Variants in NOTO observed in about 807,000 individuals in gnomAD.
The protein encoded by NOTO is notochord homeobox, also known as homeobox protein notochord.
A neutral mutation model predicts 20.5 loss-of-function variants in NOTO; 19 were observed. That is an observed-to-expected ratio of 0.93 (90% confidence interval 0.65 to 1.36). The LOEUF (loss-of-function observed/expected upper bound fraction) is 1.36, where lower values mean the gene tolerates loss of function less well. Ranked by LOEUF, NOTO falls within the 40% of genes most tolerant of loss-of-function variation. The pLI, the probability that NOTO is intolerant of heterozygous loss-of-function variation, is 0.00. For missense variants in NOTO, 369 were observed against 336.2 expected (o/e 1.10, Z -0.76); for synonymous variants, 150 against 150.2 (o/e 1.00, Z 0.01).
intron 1 of NOTO, 67 bp downstream of exon 1, chr2:73,203,115 C>T (rs1686030571): frequency 3.8e-6 from 5 of 1,319,262 alleles, no homozygotes; most frequent in Non-Finnish European, 3.9e-6. Flanking sequence ...GTCGCCACTG[C>T]CGGCGCCCCA....
chr2:73,203,315 C>A (rs1327198782), intron 1 of NOTO, among the ~76,000 whole-genome samples: 5 of 152,186 alleles, frequency 3.3e-5, no homozygotes, highest in Non-Finnish European at 7.4e-5. Context: ...CGCCTGAATG[C>A]GGTGGGCAGG....
At chr2:73,206,521 T>C (rs1686090780) in intron 1 of NOTO, among the ~76,000 whole-genome samples, 1 of 152,116 alleles carries the variant, frequency 6.6e-6, no homozygotes, top group African/African-American at 2.4e-5. Flanking sequence ...GTATTTTTTG[T>C]AGAGATAGGG....
Position 73,211,916 on chromosome 2 carries a change from T to A in NOTO, c.*987T>A, listed in dbSNP as rs1044599957. ...AGATGAAGACCAAATATATATTTCA[T>A]AATATCACAGCTCCCCTCACCTGGG... On this transcript the variant is annotated 3_prime_UTR_variant, in exon 3 of 3. Coordinates refer to ENST00000398468, the MANE Select transcript of NOTO (RefSeq NM_001134462.2). 1 of 152,196 alleles carries A rather than the reference T, an allele frequency of 6.6e-6. No individual in the cohort carries two copies. The highest frequency in any genetic ancestry group is 6.5e-5 in the Admixed American group (1 of 15,272). 9.4% of individuals were successfully genotyped at this position (152,196 alleles called of 1,614,324 possible).
chr2:73,203,104 G>C, intron 1 of NOTO, 56 bp downstream of exon 1: 1 of 1,351,110 alleles, frequency 7.4e-7, no homozygotes, highest in Non-Finnish European at 9.5e-7. Flanking sequence ...GGAGAGCCTA[G>C]GTCGCCACTG....
rs1686196148 is a variant in NOTO, at chr2:73,212,327, G to A, written c.*1398G>A. The stretch of plus-strand genomic sequence containing the variant: ...GCCTGGCTAATTTTTAACATTTTTT[G>A]TAGAGACAACGTCCACTTGTTGCCC... On this transcript the variant is annotated 3_prime_UTR_variant, in exon 3 of 3. Coordinates refer to ENST00000398468, the MANE Select transcript of NOTO (RefSeq NM_001134462.2). The A allele has an allele frequency of 6.6e-6, 1 of 152,142 alleles. No homozygotes were observed. The highest frequency in any genetic ancestry group is 2.1e-4 in the South Asian group (1 of 4,824). 9.4% of individuals were successfully genotyped at this position (152,142 alleles called of 1,614,324 possible). A position where few individuals can be genotyped will look rare whatever the true frequency, so the allele number is the denominator to read the frequency against.
At position 73,202,752 on chromosome 2, in the gene NOTO, C is replaced by T. The variant is rs111611158; in HGVS notation, c.86C>T (p.Ala29Val). Reference protein sequence around the residue: ...VRPPRSGRSPAPRSPTGPNTP... With the variant: ...VRPPRSGRSPVPRSPTGPNTP... ...CCTCCGCGCTCTGGCCGCTCTCCGG[C>T]GCCCAGGTCCCCTACTGGCCCGAAC... The change falls in exon 1 of 3, where the codon GCG becomes GTG. Residue 29 changes from alanine (A) to valine (V), a missense_variant. Coordinates refer to ENST00000398468, the MANE Select transcript of NOTO (RefSeq NM_001134462.2). 3.0e-5 allele frequency: 45 copies of T among 1,520,106 alleles called. 2 individuals are homozygous for T. The African/African-American group carries it at 4.4e-4, about 15-fold the overall frequency. 94.2% of individuals were successfully genotyped at this position (1,520,106 alleles called of 1,614,324 possible). A position where few individuals can be genotyped will look rare whatever the true frequency, so the allele number is the denominator to read the frequency against.
chr2:73,203,062 G>C lies in NOTO; in HGVS notation c.382+14G>C. ...TCGGCGTCACAGGTACTGCGGTCCC[G>C]GCGCCCGCACGCGGGGGACTGGGCG... On this transcript the variant is annotated intron_variant, in intron 1 of 2. Coordinates refer to ENST00000398468, the MANE Select transcript of NOTO (RefSeq NM_001134462.2). The C allele has an allele frequency of 1.2e-5, 17 of 1,373,230 alleles. No homozygotes were observed. Among genetic ancestry groups the C allele is most frequent in the Non-Finnish European group, 1.6e-5 (17 of 1,069,354 alleles). 85.1% of individuals were successfully genotyped at this position (1,373,230 alleles called of 1,614,324 possible). A position where few individuals can be genotyped will look rare whatever the true frequency, so the allele number is the denominator to read the frequency against.
At chr2:73,206,393 G>C (rs903890660) in intron 1 of NOTO, among the ~76,000 whole-genome samples, 1 of 152,098 alleles carries the variant, frequency 6.6e-6, no homozygotes, top group African/African-American at 2.4e-5. Flanking sequence ...TATTGGCAAG[G>C]AGTGATCTCG....
chr2:73,209,583 C>A (rs990503589), intron 2 of NOTO, among the ~76,000 whole-genome samples: 1 of 152,158 alleles, frequency 6.6e-6, no homozygotes. Context: ...AGTTTTCCTC[C>A]CAGCTCTGCC....
intron 1 of NOTO, among the ~76,000 whole-genome samples, chr2:73,207,182 A>G (rs1686099920): frequency 6.6e-6 from 1 of 152,152 alleles, no homozygotes; most frequent in African/African-American, 2.4e-5. Context: ...CTGACTAGAT[A>G]CACCAGGCTG....
At chr2:73,203,370 C>G (rs1031426679) in intron 1 of NOTO, among the ~76,000 whole-genome samples, 1 of 152,126 alleles carries the variant, frequency 6.6e-6, no homozygotes, top group Non-Finnish European at 1.5e-5. Context: ...TGCTCCCGGT[C>G]TCCGCGTCCC....
At chr2:73,206,305 G>A (rs1391540356) in intron 1 of NOTO, among the ~76,000 whole-genome samples, 1 of 152,152 alleles carries the variant, frequency 6.6e-6, no homozygotes, top group Non-Finnish European at 1.5e-5. Context: ...CTGGCACAGT[G>A]CTAAGCACCC....
At chr2:73,204,250 C>G (rs1461850093) in intron 1 of NOTO, among the ~76,000 whole-genome samples, 1 of 152,152 alleles carries the variant, frequency 6.6e-6, no homozygotes, top group Non-Finnish European at 1.5e-5. Flanking sequence ...TGCACTCTAG[C>G]CTGGGCAACA....
intron 1 of NOTO, among the ~76,000 whole-genome samples, chr2:73,207,115 A>T (rs1368028073): frequency 2.0e-5 from 3 of 152,076 alleles, no homozygotes; most frequent in Non-Finnish European, 2.9e-5. Context: ...CTCTTAAGGA[A>T]CACACAGTAC....
chr2:73,209,090 G>C (rs1023008577), intron 2 of NOTO, among the ~76,000 whole-genome samples: 1 of 150,280 alleles, frequency 6.7e-6, no homozygotes, highest in Non-Finnish European at 1.5e-5. Flanking sequence ...CAGGAGAATC[G>C]CTTGAGCCTG....
intron 1 of NOTO, among the ~76,000 whole-genome samples, chr2:73,204,530 T>G (rs1686059836): frequency 6.6e-6 from 1 of 152,134 alleles, no homozygotes; most frequent in Admixed American, 6.6e-5. Flanking sequence ...ATTTCAGCAG[T>G]GCATTAACCC....
In NOTO at chr2:73,210,998, C is replaced by T. The variant is rs565155320; in HGVS notation, c.*69C>T. 1.2e-5 allele frequency: 16 copies of T among 1,323,838 alleles called. No individual in the cohort carries two copies. The highest frequency in any genetic ancestry group is 1.4e-5 in the Non-Finnish European group (14 of 968,276). The allele number at this position is 1,323,838 out of a possible 1,614,324, so 82.0% of individuals were successfully genotyped here. A position where few individuals can be genotyped will look rare whatever the true frequency, so the allele number is the denominator to read the frequency against. On this transcript the variant is annotated 3_prime_UTR_variant, in exon 3 of 3. Coordinates refer to ENST00000398468, the MANE Select transcript of NOTO (RefSeq NM_001134462.2). ...TCCTGGGGGTACCCACTGGAGCTCC[C>T]TGCCTCACACCTCAACGAAAAGCCT...
chr2:73,202,873 G>T lies in NOTO; in HGVS notation c.207G>T (p.Ser69=). 1 of 1,526,602 alleles carries T rather than the reference G, an allele frequency of 6.6e-7. No homozygotes were observed. The highest frequency in any genetic ancestry group is 8.8e-7 in the Non-Finnish European group (1 of 1,142,108). 94.6% of individuals were successfully genotyped at this position (1,526,602 alleles called of 1,614,324 possible). Residue 69 remains serine (S), a synonymous_variant, in exon 1 of 3, where the codon TCG becomes TCT. Coordinates refer to ENST00000398468, the MANE Select transcript of NOTO (RefSeq NM_001134462.2). The part of the protein sequence containing the change: ...DPCAPAASQP[S]GSACVHPAFW... Reference sequence around the variant, plus strand: ...GCGCGCCGGCGGCCTCCCAGCCGTCGGGCTCCGCCTGCGTCCACCCGGCCT... The same window carrying T: ...GCGCGCCGGCGGCCTCCCAGCCGTCTGGCTCCGCCTGCGTCCACCCGGCCT...
chr2:73,202,586 G>A lies in NOTO; in HGVS notation c.-81G>A. The A allele has an allele frequency of 7.5e-7, 1 of 1,324,994 alleles. No individual in the cohort carries two copies. Among genetic ancestry groups the A allele is most frequent in the Non-Finnish European group, 9.8e-7 (1 of 1,020,536 alleles). The allele number at this position is 1,324,994 out of a possible 1,614,324, so 82.1% of individuals were successfully genotyped here. ...GCGCCAGGAGGTTCCCAGACAACCG[G>A]TCTTGCTCGCTGCCTTTTGCAGAAT... On this transcript the variant is annotated 5_prime_UTR_variant, in exon 1 of 3. Transcript: ENST00000398468.
Sources: allele counts gnomAD v4.1 joint callset (sites outside exome capture counted in the v4.1 genomes callset), GRCh38; gene constraint gnomAD v4.1.1; transcripts MANE v1.5; gene names NCBI Gene and HGNC (gene_info 2026-07-23, HGNC 2026-07-21).